Variants in SLC4A4 observed in about 807,000 individuals in gnomAD.
The protein encoded by SLC4A4 is electrogenic sodium bicarbonate cotransporter 1.
Under a neutral mutation model 111.5 loss-of-function variants are expected in SLC4A4, and 27 were observed. The observed-to-expected ratio is 0.24, with a 90% confidence interval of 0.18 to 0.33. The LOEUF (loss-of-function observed/expected upper bound fraction) is 0.33. Ranked by LOEUF, SLC4A4 falls within the 10% of genes least tolerant of loss-of-function variation. The pLI, the probability that SLC4A4 is intolerant of heterozygous loss-of-function variation, is 1.00. For synonymous variants in SLC4A4, 443 were observed against 463.4 expected (o/e 0.96, Z 0.57); for missense variants, 909 against 1,315.5 (o/e 0.69, Z 4.78).
At chr4:71,417,975 T>C (rs1214569854) in intron 7 of SLC4A4, among the ~76,000 whole-genome samples, 1 of 152,220 alleles carries the variant, frequency 6.6e-6, no homozygotes, top group African/African-American at 2.4e-5. Flanking sequence ...AATACATTTC[T>C]TACAAGCTTG....
At chr4:71,543,928 T>G (rs1249246767) in intron 18 of SLC4A4, among the ~76,000 whole-genome samples, 1 of 152,062 alleles carries the variant, frequency 6.6e-6, no homozygotes, top group Non-Finnish European at 1.5e-5. Flanking sequence ...CAAGAGTTTA[T>G]AATTGCCAGT....
chr4:71,180,592 T>A (rs1041015838), intron 2 of SLC4A4, among the ~76,000 whole-genome samples: 2 of 152,022 alleles, frequency 1.3e-5, no homozygotes, highest in Non-Finnish European at 2.9e-5. Flanking sequence ...CCAACACACA[T>A]GAAAAAATGC....
At chr4:71,436,962 T>C (rs887661693) in intron 7 of SLC4A4, 6 of 327,590 alleles carry the variant, frequency 1.8e-5, no homozygotes, top group East Asian at 1.0e-4. Context: ...TGTTTACTGT[T>C]GTTTTCTATT....
intron 3 of SLC4A4, among the ~76,000 whole-genome samples, chr4:71,270,778 C>A (rs947107711): frequency 3.3e-5 from 5 of 152,154 alleles, no homozygotes; most frequent in Non-Finnish European, 5.9e-5. Context: ...CCCCTTGCTC[C>A]CCTCAACCTT....
chr4:71,171,047 T>C (rs1282478301), intron 2 of SLC4A4, among the ~76,000 whole-genome samples: 2 of 152,164 alleles, frequency 1.3e-5, no homozygotes, highest in African/African-American at 4.8e-5. Flanking sequence ...CAAATACAGC[T>C]GGTTGAAGCC....
chr4:71,142,761 C>CTTTTTTTTTT (rs34495804), intron 2 of SLC4A4, among the ~76,000 whole-genome samples: 21 of 78,022 alleles, frequency 2.7e-4, no homozygotes, highest in East Asian at 7.8e-4. Flanking sequence ...TTTTCTCACT[C>CTTTTTTTTTT]TTTTTTTTTT....
intron 16 of SLC4A4, among the ~76,000 whole-genome samples, chr4:71,506,719 T>C (rs1230274850): frequency 6.6e-6 from 1 of 152,062 alleles, no homozygotes; most frequent in Non-Finnish European, 1.5e-5. Context: ...GACAGGCCAA[T>C]ATTCAAATTT....
chr4:71,447,180 A>G (rs994012481), intron 8 of SLC4A4, among the ~76,000 whole-genome samples: 9 of 152,202 alleles, frequency 5.9e-5, no homozygotes, highest in African/African-American at 2.2e-4. Flanking sequence ...CTGAGTAGAC[A>G]TATTTCTTAA....
At chr4:71,478,777 G>A (rs896751569) in intron 14 of SLC4A4, among the ~76,000 whole-genome samples, 3 of 151,692 alleles carry the variant, frequency 2.0e-5, no homozygotes, top group Admixed American at 1.3e-4. Context: ...TGTGCTACTT[G>A]CAGTGAAGTA....
upstream of SLC4A4, among the ~76,000 whole-genome samples, chr4:71,182,503 C>T (rs1175736803): frequency 1.3e-5 from 2 of 151,774 alleles, no homozygotes; most frequent in African/African-American, 4.9e-5. Context: ...ATCTGGTGGT[C>T]GGTTAGTCCA....
intron 1 of SLC4A4, among the ~76,000 whole-genome samples, chr4:71,225,739 C>T (rs1719007996): frequency 6.6e-6 from 1 of 152,112 alleles, no homozygotes; most frequent in Non-Finnish European, 1.5e-5. Flanking sequence ...GAGCTGACTC[C>T]CAGCCCTGTG....
chr4:71,443,116 C>CTCTCTATATATATATA (rs1198759861), intron 8 of SLC4A4, among the ~76,000 whole-genome samples: 5 of 65,652 alleles, frequency 7.6e-5, no homozygotes, highest in African/African-American at 2.6e-4. Context: ...CTCTCTCTCT[C>CTCTCTATATATATATA]TATATATATA....
At chr4:71,185,248 T>C (rs531751713), upstream of SLC4A4, among the ~76,000 whole-genome samples, 1 of 152,352 alleles carries the variant, frequency 6.6e-6, no homozygotes, top group African/African-American at 2.4e-5. Flanking sequence ...TATGTTGAAA[T>C]ACATAATCCA....
At chr4:71,533,207 G>A (rs889454334) in intron 17 of SLC4A4, among the ~76,000 whole-genome samples, 7 of 152,140 alleles carry the variant, frequency 4.6e-5, no homozygotes, top group Non-Finnish European at 1.0e-4. Flanking sequence ...CATTAGTAAA[G>A]ATAAGTTCTC....
chr4:71,363,514 C>T (rs143020239), intron 6 of SLC4A4, among the ~76,000 whole-genome samples: 10 of 152,282 alleles, frequency 6.6e-5, no homozygotes, highest in African/African-American at 2.4e-4. Context: ...CCCAACTGCC[C>T]CATACCCTTG....
chr4:71,091,746 GTC>G (rs1560714677), intron 1 of SLC4A4, among the ~76,000 whole-genome samples: 1 of 152,068 alleles, frequency 6.6e-6, no homozygotes, highest in Non-Finnish European at 1.5e-5. Flanking sequence ...AATACTACAT[GTC>G]CCTATTAGGA....
At chr4:71,089,110 T>C (rs1019548475) in intron 1 of SLC4A4, among the ~76,000 whole-genome samples, 1 of 152,066 alleles carries the variant, frequency 6.6e-6, no homozygotes, top group African/African-American at 2.4e-5. Flanking sequence ...TTTCCTTTTA[T>C]TCTTTTTTCT....
At chr4:71,536,638 A>G (rs1168462798) in intron 18 of SLC4A4, among the ~76,000 whole-genome samples, 2 of 150,776 alleles carry the variant, frequency 1.3e-5, no homozygotes, top group Non-Finnish European at 3.0e-5. Flanking sequence ...CTGGAATTAC[A>G]GGGGCATGCC....
At chr4:71,251,100 G>A (rs185424805) in intron 2 of SLC4A4, among the ~76,000 whole-genome samples, 11 of 152,254 alleles carry the variant, frequency 7.2e-5, no homozygotes, top group Non-Finnish European at 1.2e-4. Flanking sequence ...ACATATAGAG[G>A]CATATGTTGT....
Sources: allele counts gnomAD v4.1 joint callset (sites outside exome capture counted in the v4.1 genomes callset), GRCh38; gene constraint gnomAD v4.1.1; transcripts MANE v1.5; gene names NCBI Gene and HGNC (gene_info 2026-07-23, HGNC 2026-07-21).